The following NCKAP5 variants were observed in gnomAD, a reference collection of about 807,000 sequenced individuals.
NCKAP5 encodes the protein NCK associated protein 5.
In NCKAP5, 92 loss-of-function variants were observed where a neutral mutation model predicts 167.0. That is an observed-to-expected ratio of 0.55 (90% CI 0.47 to 0.66). The LOEUF (loss-of-function observed/expected upper bound fraction) is 0.66. NCKAP5 is among the 30% of genes least tolerant of loss of function. The pLI, the probability that NCKAP5 is intolerant of heterozygous loss-of-function variation, is 0.00. For synonymous variants in NCKAP5, 891 were observed against 877.4 expected (o/e 1.02, Z -0.27); for missense variants, 2,378 against 2,315.0 (o/e 1.03, Z -0.56).
At chr2:133,189,454 C>T (rs887985675) in intron 5 of NCKAP5, among the ~76,000 whole-genome samples, 1 of 151,604 alleles carries the variant, frequency 6.6e-6, no homozygotes, top group Non-Finnish European at 1.5e-5. Context: ...ATCATCCTGA[C>T]ACCAAAGCCT....
chr2:132,783,835 C>T lies in NCKAP5; in HGVS notation c.2976G>A (p.Gln992=), dbSNP rs779685541. The T allele has an allele frequency of 6.5e-7, 1 of 1,532,484 alleles. No individual in the cohort carries two copies. Among genetic ancestry groups the T allele is most frequent in the South Asian group, 1.3e-5 (1 of 76,820 alleles). The allele number at this position is 1,532,484 out of a possible 1,614,324, so 94.9% of individuals were successfully genotyped here. ...ISSNPATTEV[Q]RKKPSVAFKK... ...TGAAGGCCACAGAAGGTTTCTTCCTCTGCACTTCTGTCGTGGCCGGATTAG... is the reference window on the plus strand; with the variant it reads ...TGAAGGCCACAGAAGGTTTCTTCCTTTGCACTTCTGTCGTGGCCGGATTAG... Residue 992 remains glutamine (Q), a synonymous_variant, in exon 14 of 20, where the codon CAG becomes CAA. Transcript: ENST00000409261.
At chr2:133,263,165 T>C (rs577497375) in intron 4 of NCKAP5, among the ~76,000 whole-genome samples, 82 of 151,926 alleles carry the variant, frequency 5.4e-4, no homozygotes, top group Non-Finnish European at 9.6e-4. Context: ...CATTGACATA[T>C]AATCAACCTA....
At chr2:133,130,167 A>G in intron 5 of NCKAP5, 56 bp from the exon 6 acceptor site, 1 of 1,556,984 alleles carries the variant, frequency 6.4e-7, no homozygotes, top group Non-Finnish European at 8.6e-7. Context: ...CAAAAATAAG[A>G]AATAGCTGGT....
chr2:133,652,889 C>A, the NCKAP5 span, among the ~76,000 whole-genome samples: 1 of 152,312 alleles, frequency 6.6e-6, no homozygotes, highest in African/African-American at 2.4e-5. Context: ...TGTTCTATCC[C>A]GGTAGATCGA....
the NCKAP5 span, among the ~76,000 whole-genome samples, chr2:133,647,518 AAAGGAAAGGAAAGGAAAGG>A: frequency 7.6e-6 from 1 of 130,962 alleles, no homozygotes; most frequent in African/African-American, 3.2e-5. Context: ...AAAGGAAAGG[AAAGGAAAGGAAAGGAAAGG>A]AGGGAGGGAG....
intron 6 of NCKAP5, among the ~76,000 whole-genome samples, chr2:133,047,772 T>A (rs926546705): frequency 6.6e-6 from 1 of 152,206 alleles, no homozygotes; most frequent in Non-Finnish European, 1.5e-5. Context: ...CAGTTATTCA[T>A]ATTACAACAT....
chr2:133,216,115 T>C (rs1397418553), intron 4 of NCKAP5, among the ~76,000 whole-genome samples: 3 of 152,092 alleles, frequency 2.0e-5, no homozygotes, highest in Non-Finnish European at 4.4e-5. Context: ...TAGAAACATA[T>C]ATCACATTCA....
At chr2:133,639,882 A>T in the NCKAP5 span, among the ~76,000 whole-genome samples, 1 of 152,186 alleles carries the variant, frequency 6.6e-6, no homozygotes, top group Non-Finnish European at 1.5e-5. Context: ...TGTAAAAATA[A>T]ATGCGGAATG....
At chr2:132,864,089 C>T (rs1173960153) in intron 10 of NCKAP5, among the ~76,000 whole-genome samples, 1 of 152,190 alleles carries the variant, frequency 6.6e-6, no homozygotes, top group Non-Finnish European at 1.5e-5. Flanking sequence ...AGAACAGCCT[C>T]CCCAAGGAAG....
intron 3 of NCKAP5, among the ~76,000 whole-genome samples, chr2:133,335,760 A>G (rs1409123715): frequency 6.6e-6 from 1 of 152,188 alleles, no homozygotes; most frequent in Non-Finnish European, 1.5e-5. Flanking sequence ...TATGAAAATT[A>G]TTGCCATCTT....
intron 3 of NCKAP5, among the ~76,000 whole-genome samples, chr2:133,360,556 T>C (rs368831842): frequency 2.0e-5 from 3 of 152,118 alleles, no homozygotes; most frequent in African/African-American, 7.2e-5. Context: ...GGACTCCAAT[T>C]CAGTCGACTA....
At chr2:133,040,270 T>C (rs1228493939) in intron 6 of NCKAP5, among the ~76,000 whole-genome samples, 1 of 152,154 alleles carries the variant, frequency 6.6e-6, no homozygotes, top group Non-Finnish European at 1.5e-5. Context: ...TGCGCTTTTA[T>C]ATTAGGTTGG....
At chr2:132,866,902 T>G (rs1690400599) in intron 10 of NCKAP5, among the ~76,000 whole-genome samples, 1 of 152,164 alleles carries the variant, frequency 6.6e-6, no homozygotes, top group Non-Finnish European at 1.5e-5. Flanking sequence ...AATTTTAGTC[T>G]TTTTGCAGCA....
At chr2:133,228,819 A>G (rs2087012110) in intron 4 of NCKAP5, among the ~76,000 whole-genome samples, 1 of 152,220 alleles carries the variant, frequency 6.6e-6, no homozygotes, top group Non-Finnish European at 1.5e-5. Context: ...AAATCCAGAG[A>G]ATAAAAGAGA....
intron 16 of NCKAP5, among the ~76,000 whole-genome samples, chr2:132,737,666 T>C (rs1691646675): frequency 6.6e-6 from 1 of 152,184 alleles, no homozygotes; most frequent in Non-Finnish European, 1.5e-5. Context: ...GTGTCTTCAT[T>C]TGCAAATTAG....
At chr2:133,102,328 T>G (rs1391366727) in intron 6 of NCKAP5, among the ~76,000 whole-genome samples, 2 of 152,126 alleles carry the variant, frequency 1.3e-5, no homozygotes, top group Non-Finnish European at 2.9e-5. Context: ...TTTGTATTTT[T>G]AGTAGAGACG....
At chr2:133,501,880 C>T (rs767699332) in intron 3 of NCKAP5, among the ~76,000 whole-genome samples, 3 of 152,204 alleles carry the variant, frequency 2.0e-5, no homozygotes, top group Non-Finnish European at 4.4e-5. Flanking sequence ...AATAGCACTA[C>T]ACAACATCTT....
intron 11 of NCKAP5, among the ~76,000 whole-genome samples, chr2:132,798,469 T>C (rs1179281055): frequency 6.6e-6 from 1 of 152,200 alleles, no homozygotes; most frequent in Non-Finnish European, 1.5e-5. Context: ...TTATGGGAAA[T>C]GACATTCAAC....
intron 7 of NCKAP5, among the ~76,000 whole-genome samples, chr2:132,992,450 C>T (rs80082868): frequency 0.019 from 2,963 of 152,180 alleles, 91 homozygotes; most frequent in African/African-American, 0.068. Flanking sequence ...AGAGATCCAC[C>T]ATGAAGAAAT....
Sources: gnomAD v4.1 joint callset for allele counts (sites outside exome capture counted in the v4.1 genomes callset) on GRCh38, gnomAD v4.1.1 for gene constraint, MANE v1.5 for transcripts, NCBI Gene and HGNC (gene_info 2026-07-23, HGNC 2026-07-21) for gene names.